ZNF652: variants seen among roughly 807,000 people sequenced by gnomAD.
ZNF652 encodes zinc finger protein 652.
In ZNF652, 16 loss-of-function variants were observed where a neutral mutation model predicts 45.2. The observed-to-expected ratio is 0.35, with a 90% CI of 0.24 to 0.54. The LOEUF is 0.54. ZNF652 is among the 20% of genes least tolerant of loss of function. The probability of loss-of-function intolerance (pLI) is 0.91; values close to 1 mark genes in which losing one functional copy is unlikely to be tolerated. For synonymous variants in ZNF652, 250 were observed against 260.6 expected (o/e 0.96, Z 0.39); for missense variants, 614 against 765.6 (o/e 0.80, Z 2.34).
chr17:49,289,696 C>T lies in ZNF652; in HGVS notation c.*8717G>A, dbSNP rs901755470. ...ACCTGTCACCTCCCCAACCCAAAGA[C>T]TCCTCTAAACTTCTTTGCAGCATGA... On this transcript the variant is annotated 3_prime_UTR_variant, in exon 6 of 6. Transcript: ENST00000430262. 1 of 152,346 alleles carries T rather than the reference C, an allele frequency of 6.6e-6. No individual in the cohort carries two copies. The highest frequency in any genetic ancestry group is 2.4e-5 in the African/African-American group (1 of 41,472). 9.4% of individuals were successfully genotyped at this position (152,346 alleles called of 1,614,324 possible). A position where few individuals can be genotyped will look rare whatever the true frequency, so the allele number is the denominator to read the frequency against.
chr17:49,304,068 T>TTTA (rs74552274), intron 5 of ZNF652, among the ~76,000 whole-genome samples: 1 of 144,588 alleles, frequency 6.9e-6, no homozygotes, highest in Non-Finnish European at 1.5e-5. Context: ...TTTTTTTTTT[T>TTTA]TTTTTGTATT....
intron 1 of ZNF652, among the ~76,000 whole-genome samples, chr17:49,353,614 G>A (rs2070305250): frequency 6.6e-6 from 1 of 151,822 alleles, no homozygotes; most frequent in African/African-American, 2.4e-5. Flanking sequence ...TTTTTTCAAA[G>A]TGCCCATACC....
intron 1 of ZNF652, among the ~76,000 whole-genome samples, chr17:49,354,266 T>A (rs1332599775): frequency 2.0e-5 from 3 of 151,860 alleles, no homozygotes; most frequent in Non-Finnish European, 4.4e-5. Flanking sequence ...AGACACACAT[T>A]AAGATCACAA....
Position 49,333,545 on chromosome 17 carries a change from T to TAA in ZNF652, c.-258-15564_-258-15563dup, listed in dbSNP as rs1182199037. On this transcript the variant is annotated intron_variant, in intron 1 of 5. Transcript: ENST00000430262. ...TAACATAGTGAAACCCTGTCTCTAC[T>TAA]AAAAAAAAAAAAAAAAAAAAAAAAA... 4.1e-3 allele frequency among the ~76,000 whole-genome samples: 195 copies of TAA among 48,108 alleles called. 15 individuals are homozygous for TAA. The highest frequency in any genetic ancestry group is 0.017 in the African/African-American group (180 of 10,350). 31.6% of individuals were successfully genotyped at this position (48,108 alleles called of 152,430 possible).
intron 5 of ZNF652, among the ~76,000 whole-genome samples, chr17:49,310,995 AG>A (rs2069703396): frequency 6.6e-6 from 1 of 152,246 alleles, no homozygotes; most frequent in African/African-American, 2.4e-5. Flanking sequence ...CCCTTTCCTT[AG>A]GAAAATAACA....
At chr17:49,319,256 A>C (rs1419024251) in intron 1 of ZNF652, among the ~76,000 whole-genome samples, 1 of 152,148 alleles carries the variant, frequency 6.6e-6, no homozygotes, top group Non-Finnish European at 1.5e-5. Flanking sequence ...CCTGCTATGG[A>C]CATAGGCACT....
In ZNF652 at chr17:49,317,235, T is replaced by C. The variant is rs777733835; in HGVS notation, c.491A>G (p.Asp164Gly). Residue 164 changes from aspartate to glycine, a missense_variant, in exon 2 of 6, where the codon GAT becomes GGT. Asp to Gly is a moderately conservative substitution (Grantham distance 94). This residue lies in a region of ZNF652 where 262 missense variants were observed against 306.3 expected (regional missense o/e 0.86). Coordinates refer to ENST00000430262, the MANE Select transcript of ZNF652 (RefSeq NM_001145365.3). ...EEEESEEEAT[D>G]DSNDYGENEK... ...ATTCTCTCCATAGTCATTGCTGTCATCTGTGGCCTCTTCCTCACTCTCTTC... is the reference window on the plus strand; with the variant it reads ...ATTCTCTCCATAGTCATTGCTGTCACCTGTGGCCTCTTCCTCACTCTCTTC... The C allele has an allele frequency of 2.4e-5, 38 of 1,613,362 alleles. No homozygotes were observed. In the African/African-American group the frequency reaches 4.8e-4, roughly 20 times the overall value.
intron 2 of ZNF652, among the ~76,000 whole-genome samples, chr17:49,314,171 A>T (rs928921071): frequency 1.3e-5 from 2 of 150,692 alleles, no homozygotes; most frequent in Admixed American, 6.6e-5. Flanking sequence ...AATCATTATT[A>T]TTTTTTTTGA....
chr17:49,318,573 T>G (rs2069843505), intron 1 of ZNF652, among the ~76,000 whole-genome samples: 1 of 152,196 alleles, frequency 6.6e-6, no homozygotes, highest in African/African-American at 2.4e-5. Flanking sequence ...CAGTATATAT[T>G]TGATGAATAA....
At chr17:49,359,250 G>A (rs980108735) in intron 1 of ZNF652, among the ~76,000 whole-genome samples, 1 of 152,142 alleles carries the variant, frequency 6.6e-6, no homozygotes, top group Non-Finnish European at 1.5e-5. Context: ...CATGACATGA[G>A]CAAAAAATAT....
intron 1 of ZNF652, among the ~76,000 whole-genome samples, chr17:49,351,014 T>TACACACAC (rs370792940): frequency 1.2e-3 from 36 of 29,710 alleles, no homozygotes; most frequent in East Asian, 5.7e-3. Flanking sequence ...TATATATATA[T>TACACACAC]ACACACACAC....
At chr17:49,303,800 C>T (rs554105573) in intron 5 of ZNF652, among the ~76,000 whole-genome samples, 2 of 152,240 alleles carry the variant, frequency 1.3e-5, no homozygotes, top group African/African-American at 2.4e-5. Flanking sequence ...ATTCCCTGAG[C>T]AGTTACTGAA....
In ZNF652 at chr17:49,316,909, T is replaced by C; in HGVS notation, c.817A>G (p.Ile273Val). 1.2e-6 allele frequency: 2 copies of C among 1,614,164 alleles called. No homozygotes were observed. Among genetic ancestry groups the C allele is most frequent in the Non-Finnish European group, 1.7e-6 (2 of 1,180,022 alleles). Reference protein sequence around the residue: ...HMNVTHRRMQICDKCGKKFVL... With the variant: ...HMNVTHRRMQVCDKCGKKFVL... ...AACTTCTTGCCACATTTATCACAAA[T>C]CTGCATGCGCCTATGAGTAACGTTC... is the stretch of plus-strand genomic sequence containing the variant. The change falls in exon 2 of 6, where the codon ATT becomes GTT. Residue 273 changes from isoleucine (I) to valine (V), a missense_variant. Ile to Val is a conservative substitution (Grantham distance 29). This residue lies in a region of ZNF652 where 262 missense variants were observed against 306.3 expected (regional missense o/e 0.86). Coordinates refer to ENST00000430262, the MANE Select transcript of ZNF652 (RefSeq NM_001145365.3).
intron 1 of ZNF652, among the ~76,000 whole-genome samples, chr17:49,336,439 C>T (rs1232771710): frequency 2.6e-5 from 4 of 151,062 alleles, no homozygotes; most frequent in African/African-American, 4.9e-5. Flanking sequence ...AAGTGATTCT[C>T]CTGCCTCAGC....
intron 1 of ZNF652, among the ~76,000 whole-genome samples, chr17:49,333,749 T>C (rs1044540043): frequency 1.3e-4 from 18 of 134,606 alleles, no homozygotes; most frequent in African/African-American, 4.8e-4. Context: ...AAAAAGAAGA[T>C]ATACAAATGG....
chr17:49,312,219 G>A (rs149218334), intron 3 of ZNF652, among the ~76,000 whole-genome samples, 177 bp from the exon 4 acceptor site: 2,271 of 139,532 alleles, frequency 0.016, 33 homozygotes, highest in Middle Eastern at 0.028. Flanking sequence ...AGGCCGGAGT[G>A]CAGTGGCGCA....
At chr17:49,335,645 C>A (rs2070072246) in intron 1 of ZNF652, among the ~76,000 whole-genome samples, 1 of 152,048 alleles carries the variant, frequency 6.6e-6, no homozygotes, top group Non-Finnish European at 1.5e-5. Context: ...ATATAACAGC[C>A]AGTTATGATA....
intron 1 of ZNF652, among the ~76,000 whole-genome samples, chr17:49,322,868 G>A (rs1231921987): frequency 6.6e-6 from 1 of 152,190 alleles, no homozygotes; most frequent in Admixed American, 6.5e-5. Flanking sequence ...CTGGGTGACA[G>A]AGCAAGACTC....
chr17:49,320,763 A>G (rs1210525879), intron 1 of ZNF652, among the ~76,000 whole-genome samples: 1 of 152,260 alleles, frequency 6.6e-6, no homozygotes, highest in East Asian at 1.9e-4. Context: ...CTAGGAGTTA[A>G]ACAAAAATCA....
Sources: allele counts gnomAD v4.1 joint callset (sites outside exome capture counted in the v4.1 genomes callset), GRCh38; gene constraint gnomAD v4.1.1; regional missense constraint gnomAD v4.1.1; transcripts MANE v1.5; gene names NCBI Gene and HGNC (gene_info 2026-07-23, HGNC 2026-07-21).